The following BRAF variants were observed in gnomAD, a reference collection of about 807,000 sequenced individuals.
The protein encoded by BRAF is serine/threonine-protein kinase B-raf.
BRAF carries 16 observed loss-of-function variants against 104.6 expected under a neutral mutation model. That is an observed-to-expected ratio of 0.15 (90% CI 0.10 to 0.23). The LOEUF is 0.23. BRAF is among the 10% of genes least tolerant of loss of function. The probability of loss-of-function intolerance (pLI) is 1.00; values close to 1 mark genes in which losing one functional copy is unlikely to be tolerated. For synonymous variants in BRAF, 310 were observed against 341.6 expected, an observed-to-expected ratio of 0.91 and a Z score of 1.02; for missense variants, 541 against 937.3, an observed-to-expected ratio of 0.58 and a Z score of 5.52.
In BRAF at chr7:140,884,429, ATGTGTGTGTGTGTGTGTG is replaced by A. The variant is rs71170770; in HGVS notation, c.139-34235_139-34218del. Among the ~76,000 whole-genome samples the A allele has an allele frequency of 8.2e-4, 105 of 127,526 alleles. 1 individual carries two copies. The East Asian group carries it at 0.018, about 22-fold the overall frequency. 83.7% of individuals were successfully genotyped at this position (127,526 alleles called of 152,430 possible). A position where few individuals can be genotyped will look rare whatever the true frequency, so the allele number is the denominator to read the frequency against. On this transcript the variant is annotated intron_variant, in intron 1 of 19. Coordinates refer to ENST00000644969, the MANE Select transcript of BRAF (RefSeq NM_001374258.1). Reference sequence around the variant, plus strand: ...AGGATCTCTTATATATATATAAGATATGTGTGTGTGTGTGTGTGTGTGTGTGTGTGTGTGTGTGTGTGT... The same window carrying A: ...AGGATCTCTTATATATATATAAGATATGTGTGTGTGTGTGTGTGTGTGTGT...
In BRAF at chr7:140,722,259, T is replaced by C; in HGVS notation, c.*4235A>G. On this transcript the variant is annotated 3_prime_UTR_variant, in exon 20 of 20. Coordinates refer to ENST00000644969, the MANE Select transcript of BRAF (RefSeq NM_001374258.1). ...GTTCACTGAAAATTTACCTGTGTGT[T>C]TTCTCATTGTTAAATGTGATTTTGG... 5.7e-6 allele frequency: 6 copies of C among 1,056,194 alleles called. No homozygotes were observed. The highest frequency in any genetic ancestry group is 6.9e-6 in the Non-Finnish European group (6 of 873,594). 65.4% of individuals were successfully genotyped at this position (1,056,194 alleles called of 1,614,324 possible). A position where few individuals can be genotyped will look rare whatever the true frequency, so the allele number is the denominator to read the frequency against.
chr7:140,859,563 C>T (rs1198192325), intron 1 of BRAF, among the ~76,000 whole-genome samples: 1 of 152,082 alleles, frequency 6.6e-6, no homozygotes, highest in Non-Finnish European at 1.5e-5. Context: ...CATAAATATC[C>T]TTTTATGGGA....
At chr7:140,917,429 T>G (rs750808682) in intron 1 of BRAF, among the ~76,000 whole-genome samples, 1 of 152,090 alleles carries the variant, frequency 6.6e-6, no homozygotes, top group South Asian at 2.1e-4. Flanking sequence ...ATCAGACCAG[T>G]GTTTGCCAGG....
the BRAF span, among the ~76,000 whole-genome samples, chr7:140,713,954 A>T: frequency 6.6e-6 from 1 of 152,066 alleles, no homozygotes. Flanking sequence ...CTGCTGCCTG[A>T]TCGTTCTTCT....
At chr7:140,880,477 C>T (rs1233071726) in intron 1 of BRAF, among the ~76,000 whole-genome samples, 1 of 152,190 alleles carries the variant, frequency 6.6e-6, no homozygotes, top group East Asian at 1.9e-4. Flanking sequence ...TTAGAATGAA[C>T]TTCTTCCAAA....
intron 14 of BRAF, among the ~76,000 whole-genome samples, chr7:140,772,786 G>A (rs1167911308): frequency 6.6e-6 from 1 of 152,032 alleles, no homozygotes; most frequent in Admixed American, 6.6e-5. Flanking sequence ...ATTTATCTAA[G>A]TGTCCCTTCC....
intron 8 of BRAF, among the ~76,000 whole-genome samples, chr7:140,789,259 C>T (rs560648667): frequency 2.6e-4 from 39 of 151,768 alleles, no homozygotes; most frequent in African/African-American, 9.4e-4. Flanking sequence ...TTTATAACAA[C>T]GATGGTAGTG....
chr7:140,751,033 C>T (rs549515420), intron 16 of BRAF, among the ~76,000 whole-genome samples: 12 of 152,198 alleles, frequency 7.9e-5, no homozygotes, highest in South Asian at 2.1e-4. Context: ...TCCTATGATA[C>T]GGATGTTCCA....
Position 140,726,115 on chromosome 7 carries a change from C to G in BRAF, c.*379G>C, listed in dbSNP as rs1795584156. The G allele has an allele frequency of 9.1e-7, 1 of 1,096,168 alleles. No homozygotes were observed. The highest frequency in any genetic ancestry group is 4.0e-4 in the Middle Eastern group (1 of 2,516). 67.9% of individuals were successfully genotyped at this position (1,096,168 alleles called of 1,614,324 possible). ...ATCAGATGATCAGCCACAAATTGAT[C>G]TGGTGGTTAGAAGGGCAAAGTTGAC... On this transcript the variant is annotated 3_prime_UTR_variant, in exon 20 of 20. Coordinates refer to ENST00000644969, the MANE Select transcript of BRAF (RefSeq NM_001374258.1).
chr7:140,808,433 G>A (rs1803886244), intron 4 of BRAF: 2 of 374,766 alleles, frequency 5.3e-6, no homozygotes, highest in Middle Eastern at 3.9e-4. Flanking sequence ...AAGGGACAGG[G>A]ACAACATGCC....
intron 1 of BRAF, among the ~76,000 whole-genome samples, chr7:140,911,342 G>A (rs1398334703): frequency 2.0e-5 from 3 of 152,036 alleles, no homozygotes; most frequent in African/African-American, 4.8e-5. Flanking sequence ...ACATAGATAC[G>A]GCTACTGTCT....
At chr7:140,771,502 C>T (rs1799845711) in intron 14 of BRAF, among the ~76,000 whole-genome samples, 1 of 152,088 alleles carries the variant, frequency 6.6e-6, no homozygotes, top group African/African-American at 2.4e-5. Context: ...ACTAACTTTT[C>T]TAATTATTAA....
At chr7:140,746,355 T>A (rs1387887627) in intron 17 of BRAF, among the ~76,000 whole-genome samples, 1 of 152,052 alleles carries the variant, frequency 6.6e-6, no homozygotes, top group Admixed American at 6.6e-5. Flanking sequence ...GAGAAAAATG[T>A]TAGAATGATA....
At position 140,725,273 on chromosome 7, in the gene BRAF, C is replaced by T; in HGVS notation, c.*1221G>A. ...ATTAGCAAAGATGTTAGTGTGGATCCAGCAAGTACCATTAATTGAAAAATT... is the reference window on the plus strand; with the variant it reads ...ATTAGCAAAGATGTTAGTGTGGATCTAGCAAGTACCATTAATTGAAAAATT... On this transcript the variant is annotated 3_prime_UTR_variant, in exon 20 of 20. Transcript: ENST00000644969. 2 of 1,040,904 alleles carry T rather than the reference C, an allele frequency of 1.9e-6. No homozygotes were observed. The highest frequency in any genetic ancestry group is 2.3e-6 in the Non-Finnish European group (2 of 863,526). 64.5% of individuals were successfully genotyped at this position (1,040,904 alleles called of 1,614,324 possible).
intron 1 of BRAF, among the ~76,000 whole-genome samples, chr7:140,902,101 A>G (rs939366706): frequency 2.0e-5 from 3 of 152,188 alleles, no homozygotes; most frequent in African/African-American, 7.2e-5. Context: ...GTTTTTTACA[A>G]ACTGAAGGTT....
chr7:140,870,649 C>T (rs58014673), intron 1 of BRAF, among the ~76,000 whole-genome samples: 12,038 of 149,480 alleles, frequency 0.081, 1,605 homozygotes, highest in African/African-American at 0.28. Flanking sequence ...AAAAAAAAAC[C>T]TAGTCTATCT....
At position 140,724,409 on chromosome 7, in the gene BRAF, A is replaced by G; in HGVS notation, c.*2085T>C. On this transcript the variant is annotated 3_prime_UTR_variant, in exon 20 of 20. Coordinates refer to ENST00000644969, the MANE Select transcript of BRAF (RefSeq NM_001374258.1). ...AAAAACAGCCAATGCTTTTCAAGAG[A>G]GGCAGTATTATTGCACAGAAGATGT... is the stretch of plus-strand genomic sequence containing the variant. 9.5e-7 allele frequency: 1 copy of G among 1,056,030 alleles called. No homozygotes were observed. The highest frequency in any genetic ancestry group is 1.1e-6 in the Non-Finnish European group (1 of 873,550). The allele number at this position is 1,056,030 out of a possible 1,614,324, so 65.4% of individuals were successfully genotyped here.
At chr7:140,784,571 T>G (rs1383099800) in intron 10 of BRAF, among the ~76,000 whole-genome samples, 1 of 151,942 alleles carries the variant, frequency 6.6e-6, no homozygotes. Flanking sequence ...TCAGAATATA[T>G]AACAGATACT....
intron 1 of BRAF, among the ~76,000 whole-genome samples, chr7:140,885,895 T>A (rs1007136990): frequency 1.6e-4 from 24 of 152,144 alleles, no homozygotes; most frequent in African/African-American, 5.8e-4. Context: ...TAGTAAACAA[T>A]CATCAGTGGC....
Sources: allele counts gnomAD v4.1 joint callset (sites outside exome capture counted in the v4.1 genomes callset), GRCh38; gene constraint gnomAD v4.1.1; transcripts MANE v1.5; gene names NCBI Gene and HGNC (gene_info 2026-07-23, HGNC 2026-07-21).